Variants in KCNH7 observed in about 807,000 individuals in gnomAD.
The protein encoded by KCNH7 is potassium voltage-gated channel subfamily H member 7.
A neutral mutation model predicts 120.8 loss-of-function variants in KCNH7; 49 were observed. The ratio of observed to expected loss-of-function variants is 0.41; its 90% CI spans 0.32 to 0.51. KCNH7 has a LOEUF of 0.51. Among genes scored for constraint, KCNH7 ranks in the 20% least tolerant of loss-of-function variants. The pLI, the probability that KCNH7 is intolerant of heterozygous loss-of-function variation, is 0.38. For synonymous variants in KCNH7, 547 were observed against 516.1 expected, an observed-to-expected ratio of 1.06 and a Z score of -0.81; for missense variants, 1,097 against 1,446.6, an observed-to-expected ratio of 0.76 and a Z score of 3.92.
intron 2 of KCNH7, among the ~76,000 whole-genome samples, chr2:162,814,499 A>T (rs1453680834): frequency 2.0e-5 from 3 of 152,178 alleles, no homozygotes; most frequent in African/African-American, 7.2e-5. Context: ...GTCGTTTGGA[A>T]CAAAGACTTG....
At chr2:162,800,540 T>C (rs1286382784) in intron 2 of KCNH7, among the ~76,000 whole-genome samples, 1 of 151,898 alleles carries the variant, frequency 6.6e-6, no homozygotes, top group Non-Finnish European at 1.5e-5. Context: ...AAATGTTTCA[T>C]GAAGGGTCCT....
At chr2:162,596,865 A>G (rs1309247772) in intron 2 of KCNH7, among the ~76,000 whole-genome samples, 2 of 152,060 alleles carry the variant, frequency 1.3e-5, no homozygotes, top group Non-Finnish European at 2.9e-5. Context: ...CAGCAAGAAA[A>G]CAAATAACCC....
intron 2 of KCNH7, among the ~76,000 whole-genome samples, chr2:162,772,215 A>G (rs1683081745): frequency 6.6e-6 from 1 of 152,192 alleles, no homozygotes. Context: ...TAGAGAAATG[A>G]GTTGAGGACA....
At chr2:162,625,554 T>G (rs573291322) in intron 2 of KCNH7, among the ~76,000 whole-genome samples, 2 of 152,270 alleles carry the variant, frequency 1.3e-5, no homozygotes, top group African/African-American at 4.8e-5. Context: ...GACCCCATTT[T>G]AAAGAAAAGG....
intron 12 of KCNH7, among the ~76,000 whole-genome samples, chr2:162,386,667 C>T (rs1216604624): frequency 6.6e-6 from 1 of 151,774 alleles, no homozygotes; most frequent in Admixed American, 6.6e-5. Context: ...GCTGAATTAA[C>T]CATTAATTCA....
chr2:162,372,173 T>G (rs1468792350), intron 15 of KCNH7, 78 bp from the exon 16 acceptor site: 1 of 1,188,432 alleles, frequency 8.4e-7, no homozygotes. Context: ...AATAAAAACT[T>G]AAGCATTTTC....
At chr2:162,673,327 T>C (rs778094400) in intron 2 of KCNH7, among the ~76,000 whole-genome samples, 5 of 152,072 alleles carry the variant, frequency 3.3e-5, no homozygotes, top group African/African-American at 9.7e-5. Context: ...TATCTAGCAA[T>C]GTATGAAAAG....
At chr2:162,441,221 T>C (rs1316953091) in intron 7 of KCNH7, among the ~76,000 whole-genome samples, 1 of 152,170 alleles carries the variant, frequency 6.6e-6, no homozygotes, top group Non-Finnish European at 1.5e-5. Flanking sequence ...ATATGATTTG[T>C]TCCTAAAAGT....
intron 2 of KCNH7, among the ~76,000 whole-genome samples, chr2:162,743,972 G>C (rs1041473820): frequency 6.6e-6 from 1 of 152,016 alleles, no homozygotes; most frequent in Non-Finnish European, 1.5e-5. Context: ...TGGTGAAATG[G>C]ATTTATTTCA....
chr2:162,588,436 T>A (rs1448848407), intron 2 of KCNH7, among the ~76,000 whole-genome samples: 2 of 152,106 alleles, frequency 1.3e-5, no homozygotes, highest in Non-Finnish European at 2.9e-5. Flanking sequence ...ATTACTATGG[T>A]CTTTTCCTTA....
In KCNH7 at chr2:162,479,196, A is replaced by G. The variant is rs1396745619; in HGVS notation, c.1128+25247T>C. 3.3e-5 allele frequency among the ~76,000 whole-genome samples: 5 copies of G among 150,684 alleles called. No homozygotes were observed. In the South Asian group the frequency reaches 6.3e-4, roughly 19 times the overall value. ...TCTTTTTTTTTTTTCAAAAAAAGTC[A>G]TTCAATAGCTTGAATATATCTTATA... is the stretch of plus-strand genomic sequence containing the variant. On this transcript the variant is annotated intron_variant, in intron 6 of 15. Coordinates refer to ENST00000332142, the MANE Select transcript of KCNH7 (RefSeq NM_033272.4).
intron 2 of KCNH7, among the ~76,000 whole-genome samples, chr2:162,733,223 G>A (rs1687787269): frequency 6.6e-6 from 1 of 152,188 alleles, no homozygotes; most frequent in African/African-American, 2.4e-5. Flanking sequence ...AACTAGAGCT[G>A]AGTAGTTAGC....
At chr2:162,816,556 C>G (rs771265432) in intron 2 of KCNH7, among the ~76,000 whole-genome samples, 26 of 152,062 alleles carry the variant, frequency 1.7e-4, no homozygotes, top group Non-Finnish European at 3.7e-4. Context: ...TGATACATCA[C>G]CTCCTAATAT....
intron 9 of KCNH7, among the ~76,000 whole-genome samples, chr2:162,416,776 A>C (rs556882892): frequency 1.1e-4 from 17 of 152,208 alleles, no homozygotes; most frequent in Admixed American, 9.2e-4. Flanking sequence ...CCCAATAAAG[A>C]AAGCTCTTAT....
At chr2:162,423,228 A>G in intron 9 of KCNH7, 108 bp downstream of exon 9, 1 of 1,595,352 alleles carries the variant, frequency 6.3e-7, no homozygotes. Flanking sequence ...ATCCGAGAGA[A>G]GAAAACAAAA....
At chr2:162,423,009 T>G (rs190588537) in intron 9 of KCNH7, among the ~76,000 whole-genome samples, 378 of 152,266 alleles carry the variant, frequency 2.5e-3, no homozygotes, top group African/African-American at 8.3e-3. Flanking sequence ...AACTATTTTT[T>G]GGGGGTGTTG....
intron 12 of KCNH7, among the ~76,000 whole-genome samples, chr2:162,391,540 G>A (rs1197301463): frequency 6.6e-6 from 1 of 151,868 alleles, no homozygotes; most frequent in African/African-American, 2.4e-5. Context: ...TCAAAGAGCT[G>A]CAGGCAGAAA....
In KCNH7 at chr2:162,384,909, G is replaced by T. The variant is rs1010243810; in HGVS notation, c.2741C>A (p.Ala914Glu). The T allele has an allele frequency of 1.2e-6, 2 of 1,611,122 alleles. No individual in the cohort carries two copies. Among genetic ancestry groups the T allele is most frequent in the East Asian group, 2.2e-5 (1 of 44,780 alleles). The change falls in exon 13 of 16, where the codon GCA becomes GAA. Residue 914 changes from alanine to glutamate, a missense_variant. Ala to Glu is a moderately radical substitution (Grantham distance 107). This residue lies in a region of KCNH7 where 406 missense variants were observed against 410.5 expected (regional missense o/e 0.99). Coordinates refer to ENST00000332142, the MANE Select transcript of KCNH7 (RefSeq NM_033272.4). ...ACTCTGATAATGTCTTATGGTATCT[G>T]CAGAGTCTTCAGGATCATTTGTACT... Reference protein sequence around the residue: ...ENSTNDPEDSADTIRHYQSSK... With the variant: ...ENSTNDPEDSEDTIRHYQSSK...
intron 2 of KCNH7, among the ~76,000 whole-genome samples, chr2:162,669,220 G>A (rs1685251309): frequency 6.6e-6 from 1 of 152,074 alleles, no homozygotes; most frequent in Non-Finnish European, 1.5e-5. Flanking sequence ...TGAAAGATGT[G>A]ACTGTTTAAA....
Sources: allele counts gnomAD v4.1 joint callset (sites outside exome capture counted in the v4.1 genomes callset), GRCh38; gene constraint gnomAD v4.1.1; regional missense constraint gnomAD v4.1.1; transcripts MANE v1.5; gene names NCBI Gene and HGNC (gene_info 2026-07-23, HGNC 2026-07-21).